Variants in RNF121 observed in about 807,000 individuals in gnomAD.
The protein encoded by RNF121 is E3 ubiquitin ligase RNF121.
RNF121 carries 21 observed loss-of-function variants against 46.5 expected under a neutral mutation model. That is an observed-to-expected ratio of 0.45 (90% CI 0.32 to 0.65). The LOEUF is 0.65. Among genes scored for constraint, RNF121 ranks in the 30% least tolerant of loss-of-function variants. The pLI is 0.04. For missense variants in RNF121, 346 were observed against 416.0 expected, an observed-to-expected ratio of 0.83 and a Z score of 1.46; for synonymous variants, 139 against 144.7, an observed-to-expected ratio of 0.96 and a Z score of 0.28.
intron 3 of RNF121, among the ~76,000 whole-genome samples, chr11:71,964,698 C>T (rs568150636): frequency 5.6e-4 from 86 of 152,240 alleles, no homozygotes; most frequent in Non-Finnish European, 1.1e-3. Flanking sequence ...AGGCTGGTCT[C>T]GCCCTCCTGA....
intron 3 of RNF121, among the ~76,000 whole-genome samples, chr11:71,973,726 G>A (rs552903912): frequency 2.0e-5 from 3 of 152,096 alleles, no homozygotes; most frequent in East Asian, 3.9e-4. Context: ...AGTGGAGGTT[G>A]CAGTGAGTCA....
chr11:71,947,829 C>A (rs972526093), intron 1 of RNF121, among the ~76,000 whole-genome samples: 1 of 152,056 alleles, frequency 6.6e-6, no homozygotes, highest in Admixed American at 6.6e-5. Context: ...AAGTTAGAGT[C>A]GGGGAGATCA....
intron 1 of RNF121, among the ~76,000 whole-genome samples, chr11:71,949,275 G>T (rs557619138): frequency 1.3e-5 from 2 of 152,272 alleles, no homozygotes; most frequent in South Asian, 2.1e-4. Flanking sequence ...AGAATTAGCT[G>T]GGTGTGGTGG....
Position 71,996,397 on chromosome 11 carries a change from G to A in RNF121, c.*82G>A. On this transcript the variant is annotated 3_prime_UTR_variant, in exon 9 of 9. Coordinates refer to ENST00000361756, the MANE Select transcript of RNF121 (RefSeq NM_018320.5). ...TCCTCCCTGCCCACAAAGACCTCCT[G>A]GGTGGGAAAGACTCAAAGGGGTGCT... is the stretch of plus-strand genomic sequence containing the variant. 6.5e-7 allele frequency: 1 copy of A among 1,541,592 alleles called. No individual in the cohort carries two copies. Among genetic ancestry groups the A allele is most frequent in the South Asian group, 1.2e-5 (1 of 81,790 alleles).
At chr11:71,967,694 TAC>T (rs1225023743) in intron 3 of RNF121, among the ~76,000 whole-genome samples, 2 of 152,162 alleles carry the variant, frequency 1.3e-5, no homozygotes, top group Non-Finnish European at 2.9e-5. Flanking sequence ...GTGTTGGGAT[TAC>T]AGACATGAGC....
intron 1 of RNF121, among the ~76,000 whole-genome samples, chr11:71,950,448 A>C (rs1415265839): frequency 1.3e-5 from 2 of 151,636 alleles, no homozygotes; most frequent in Non-Finnish European, 2.9e-5. Context: ...GCCAGGCGTG[A>C]TGGCTTGCAC....
intron 1 of RNF121, among the ~76,000 whole-genome samples, chr11:71,938,069 G>C (rs1370453175): frequency 2.6e-4 from 40 of 152,098 alleles, no homozygotes; most frequent in Admixed American, 2.4e-3. Context: ...TCCCTGCCAA[G>C]GTTTCTGTTC....
intron 1 of RNF121, among the ~76,000 whole-genome samples, chr11:71,935,328 A>AT (rs1421498741): frequency 2.0e-5 from 3 of 152,246 alleles, no homozygotes; most frequent in Admixed American, 6.5e-5. Context: ...GGCATAGAGA[A>AT]TTTAAGTAAG....
At chr11:71,984,125 A>G (rs536600581) in intron 4 of RNF121, among the ~76,000 whole-genome samples, 5 of 152,348 alleles carry the variant, frequency 3.3e-5, no homozygotes, top group South Asian at 2.1e-4. Context: ...AAATGGGACA[A>G]TAATTGCTAC....
chr11:71,987,148 G>C (rs748830769), intron 5 of RNF121, 37 bp downstream of exon 5: 16 of 1,329,660 alleles, frequency 1.2e-5, no homozygotes, highest in East Asian at 4.6e-5. Context: ...CTGGAGTTTG[G>C]GGAGGAGTGA....
chr11:71,943,007 C>G (rs1425770299), intron 1 of RNF121, among the ~76,000 whole-genome samples: 1 of 152,070 alleles, frequency 6.6e-6, no homozygotes, highest in Admixed American at 6.6e-5. Flanking sequence ...TAATCCCATT[C>G]ATGAGGTCTC....
At chr11:71,955,929 C>T (rs1445006213) in intron 1 of RNF121, among the ~76,000 whole-genome samples, 1 of 152,152 alleles carries the variant, frequency 6.6e-6, no homozygotes, top group Non-Finnish European at 1.5e-5. Context: ...ATGTTGACTT[C>T]ATTACCTAGA....
At chr11:71,944,241 G>T (rs371624677) in intron 1 of RNF121, among the ~76,000 whole-genome samples, 1 of 152,184 alleles carries the variant, frequency 6.6e-6, no homozygotes, top group African/African-American at 2.4e-5. Context: ...ACTGAGGCAG[G>T]AGAATCACTT....
chr11:71,943,058 CTCT>C (rs763739710), intron 1 of RNF121, among the ~76,000 whole-genome samples: 17 of 152,136 alleles, frequency 1.1e-4, no homozygotes, highest in Non-Finnish European at 2.1e-4. Context: ...TTCCCTCCAC[CTCT>C]TCTTAATACT....
chr11:71,935,999 C>T (rs1953397276), intron 1 of RNF121, among the ~76,000 whole-genome samples: 2 of 151,612 alleles, frequency 1.3e-5, no homozygotes, highest in African/African-American at 4.9e-5. Flanking sequence ...AGGTGTGTGC[C>T]ACCACGCCCG....
intron 1 of RNF121, among the ~76,000 whole-genome samples, chr11:71,941,104 A>C (rs1326994579): frequency 6.6e-6 from 1 of 152,222 alleles, no homozygotes; most frequent in Non-Finnish European, 1.5e-5. Context: ...CAGGGGAGTA[A>C]TGTGTTTAGA....
Position 71,960,787 on chromosome 11 carries a change from C to G in RNF121, c.139C>G (p.His47Asp). 1 of 1,614,148 alleles carries G rather than the reference C, an allele frequency of 6.2e-7. No homozygotes were observed. The highest frequency in any genetic ancestry group is 8.5e-7 in the Non-Finnish European group (1 of 1,180,018). ...ACGCATGCATGCCAAGCACCGTGGC[C>G]ATGAAGCTATGCATGCTGAAATGGT... ...HARMHAKHRGHEAMHAEMVLI... is the reference protein window; with the variant it reads ...HARMHAKHRGDEAMHAEMVLI... The change falls in exon 3 of 9, where the codon CAT becomes GAT. Residue 47 changes from histidine (H) to aspartate (D), a missense_variant. His to Asp is a moderately conservative substitution (Grantham distance 81, BLOSUM62 -1). Transcript: ENST00000361756.
At chr11:71,993,697 TG>T (rs563997359) in intron 6 of RNF121, among the ~76,000 whole-genome samples, 110 of 152,364 alleles carry the variant, frequency 7.2e-4, no homozygotes, top group African/African-American at 2.6e-3. Flanking sequence ...TCATATCTTT[TG>T]GGTTTATACC....
chr11:71,981,049 ACTTT>A (rs1393100666), intron 3 of RNF121, among the ~76,000 whole-genome samples: 7 of 151,416 alleles, frequency 4.6e-5, no homozygotes, highest in Non-Finnish European at 8.8e-5. Context: ...AAGAGTAAAT[ACTTT>A]CTTTTTTTTT....
Sources: gnomAD v4.1 joint callset for allele counts (sites outside exome capture counted in the v4.1 genomes callset) on GRCh38, gnomAD v4.1.1 for gene constraint, MANE v1.5 for transcripts, NCBI Gene and HGNC (gene_info 2026-07-23, HGNC 2026-07-21) for gene names.